The following SUCLG1 variants were observed in gnomAD, a reference collection of about 807,000 sequenced individuals.
The protein encoded by SUCLG1 is succinate-CoA ligase GDP/ADP-forming subunit alpha.
A neutral mutation model predicts 37.3 loss-of-function variants in SUCLG1; 26 were observed. That is an observed-to-expected ratio of 0.70 (90% confidence interval 0.51 to 0.97). The LOEUF is 0.97. SUCLG1 is among the 50% of genes least tolerant of loss of function. SUCLG1 has a pLI of 0.00. For missense variants in SUCLG1, 433 were observed against 432.9 expected (o/e 1.00, Z 0.00); for synonymous variants, 163 against 155.6 (o/e 1.05, Z -0.36).
intron 8 of SUCLG1, 47 bp downstream of exon 8, chr2:84,425,368 G>C (rs1312318682): frequency 1.1e-5 from 17 of 1,610,834 alleles, no homozygotes; most frequent in Admixed American, 3.3e-5. Context: ...GCCACACACA[G>C]AGAAAGCCTG....
chr2:84,426,915 C>T (rs150626557), intron 7 of SUCLG1: 25 of 152,766 alleles, frequency 1.6e-4, no homozygotes, highest in East Asian at 5.8e-4. Context: ...GAATTATTGA[C>T]GATCTCAAAG....
Position 84,459,173 on chromosome 2 carries a change from G to C in SUCLG1, c.97C>G (p.Leu33Val). Residue 33 changes from leucine to valine, a missense_variant and splice_region_variant, in exon 1 of 9, where the codon CTG becomes GTG. Transcript: ENST00000393868. Reference sequence around the variant, plus strand: ...GGAAGACAGTACTGGCTGGACTCACGGAGGAAGCTGCGCGACAGGAGACGG... The same window carrying C: ...GGAAGACAGTACTGGCTGGACTCACCGAGGAAGCTGCGCGACAGGAGACGG... ...AARLLSRSFLLPQNGIRHCSY... is the reference protein window; with the variant it reads ...AARLLSRSFLVPQNGIRHCSY... 1 of 1,549,510 alleles carries C rather than the reference G, an allele frequency of 6.5e-7. No individual in the cohort carries two copies. Among genetic ancestry groups the C allele is most frequent in the Non-Finnish European group, 8.7e-7 (1 of 1,146,320 alleles).
intron 1 of SUCLG1, among the ~76,000 whole-genome samples, chr2:84,456,844 A>G (rs1573379229): frequency 6.6e-6 from 1 of 152,078 alleles, no homozygotes; most frequent in African/African-American, 2.4e-5. Context: ...TTGTATTTTT[A>G]GTAGAGACGG....
chr2:84,448,089 A>C (rs1558613720), intron 2 of SUCLG1, among the ~76,000 whole-genome samples: 1 of 142,874 alleles, frequency 7.0e-6, no homozygotes, highest in Non-Finnish European at 1.5e-5. Flanking sequence ...TTGATATTGG[A>C]TTTTTTTTTT....
chr2:84,453,948 C>T (rs1033412913), intron 1 of SUCLG1, among the ~76,000 whole-genome samples: 1 of 152,202 alleles, frequency 6.6e-6, no homozygotes, highest in South Asian at 2.1e-4. Context: ...TTCCAGCAGC[C>T]ATGTAACCCA....
Position 84,441,060 on chromosome 2 carries a change from T to A in SUCLG1, c.576A>T (p.Lys192Asn), listed in dbSNP as rs994655572. The A allele has an allele frequency of 1.2e-6, 2 of 1,614,168 alleles. No individual in the cohort carries two copies. Among genetic ancestry groups the A allele is most frequent in the Admixed American group, 3.3e-5 (2 of 60,024 alleles). Residue 192 changes from lysine (K) to asparagine (N), a missense_variant, in exon 5 of 9, where the codon AAA becomes AAT. By Grantham distance (94) the Lys-to-Asn change is moderately conservative. Transcript: ENST00000393868. Reference protein sequence around the residue: ...KIGIMPGHIHKKGRIGIVSRS... With the variant: ...KIGIMPGHIHNKGRIGIVSRS... ...AAACAAACTCACCAATCCTTCCTTT[T>A]TTGTGAATATGGCCAGGCATGATGC...
At chr2:84,451,800 G>A (rs1431153293) in intron 1 of SUCLG1, among the ~76,000 whole-genome samples, 7 of 148,944 alleles carry the variant, frequency 4.7e-5, no homozygotes, top group East Asian at 2.0e-4. Context: ...ATGTGTGTGC[G>A]CTCATGCATG....
chr2:84,454,993 T>G (rs1386632372), intron 1 of SUCLG1, among the ~76,000 whole-genome samples: 7 of 152,190 alleles, frequency 4.6e-5, no homozygotes, highest in Non-Finnish European at 8.8e-5. Flanking sequence ...ATTTAACAAA[T>G]GTACACTTAT....
chr2:84,424,021 G>C (rs1672494893), intron 8 of SUCLG1, among the ~76,000 whole-genome samples: 1 of 152,190 alleles, frequency 6.6e-6, no homozygotes, highest in East Asian at 1.9e-4. Flanking sequence ...CCTAAATCCA[G>C]AAGCAGAGAG....
Position 84,448,520 on chromosome 2 carries a change from CA to C in SUCLG1, c.201+1128del, listed in dbSNP as rs59457991. Among the ~76,000 whole-genome samples, 9 of 125,124 alleles carry C rather than the reference CA, an allele frequency of 7.2e-5. No homozygotes were observed. In the South Asian group the frequency reaches 7.8e-4, roughly 11 times the overall value. The allele number at this position is 125,124 out of a possible 152,430, so 82.1% of individuals were successfully genotyped here. A position where few individuals can be genotyped will look rare whatever the true frequency, so the allele number is the denominator to read the frequency against. ...AGAAAAATCATTAACCTTAAATTACCAAAAAAAAAAAAAAAAAAAAAAAATT... is the reference window on the plus strand; with the variant it reads ...AGAAAAATCATTAACCTTAAATTACCAAAAAAAAAAAAAAAAAAAAAAATT... On this transcript the variant is annotated intron_variant, in intron 2 of 8. Coordinates refer to ENST00000393868, the MANE Select transcript of SUCLG1 (RefSeq NM_003849.4).
At chr2:84,423,883 G>A (rs1444552345) in intron 8 of SUCLG1, 111 bp from the exon 9 acceptor site, 3 of 1,154,344 alleles carry the variant, frequency 2.6e-6, no homozygotes, top group Non-Finnish European at 3.7e-6. Flanking sequence ...AGGATCCCCT[G>A]AACAATCAAA....
chr2:84,431,713 T>C, intron 6 of SUCLG1, 54 bp from the exon 7 acceptor site: 1 of 1,589,994 alleles, frequency 6.3e-7, no homozygotes, highest in Middle Eastern at 1.8e-4. Flanking sequence ...AACCATGGAA[T>C]TTAGGTCAAT....
At position 84,431,520 on chromosome 2, in the gene SUCLG1, C is replaced by A; in HGVS notation, c.813G>T (p.Lys271Asn). Residue 271 changes from lysine (K) to asparagine (N), a missense_variant, in exon 7 of 9, where the codon AAG becomes AAT. Physicochemically the swap from Lys to Asn is moderately conservative, Grantham distance 94 (BLOSUM62 0). Transcript: ENST00000393868. Reference sequence around the variant, plus strand: ...AACCCAAACTTACTGAATTATGTTGCTTCAAAAATTCTGCAGCATTCTCTT... The same window carrying A: ...AACCCAAACTTACTGAATTATGTTGATTCAAAAATTCTGCAGCATTCTCTT... Reference protein sequence around the residue: ...NAEENAAEFLKQHNSGPNSKP... With the variant: ...NAEENAAEFLNQHNSGPNSKP... The A allele has an allele frequency of 1.2e-6, 2 of 1,613,956 alleles. No homozygotes were observed. Among genetic ancestry groups the A allele is most frequent in the Non-Finnish European group, 1.7e-6 (2 of 1,179,866 alleles).
intron 1 of SUCLG1, chr2:84,458,614 G>A (rs1219596031): frequency 6.6e-6 from 1 of 152,276 alleles, no homozygotes; most frequent in Non-Finnish European, 1.5e-5. Flanking sequence ...CCAACCATAA[G>A]CTTCTAGTAG....
chr2:84,441,056 CT>C lies in SUCLG1; in HGVS notation c.579del (p.Gly194GlufsTer12). The C allele has an allele frequency of 1.2e-6, 2 of 1,613,916 alleles. No individual in the cohort carries two copies. The highest frequency in any genetic ancestry group is 1.7e-6 in the Non-Finnish European group (2 of 1,179,996). Reference protein sequence around the residue: ...IGIMPGHIHKKGRIGIVSRSG... With the variant: ...IGIMPGHIHKXGRIGIVSRSG... ...TAACAAACAAACTCACCAATCCTTC[CT>C]TTTTTGTGAATATGGCCAGGCATGA... is the stretch of plus-strand genomic sequence containing the variant. On this transcript the variant is annotated frameshift_variant, in exon 5 of 9. Coordinates refer to ENST00000393868, the MANE Select transcript of SUCLG1 (RefSeq NM_003849.4). LOFTEE classifies it high-confidence loss of function.
chr2:84,429,801 T>C (rs1037529030), intron 7 of SUCLG1, among the ~76,000 whole-genome samples: 1 of 151,980 alleles, frequency 6.6e-6, no homozygotes, highest in Admixed American at 6.6e-5. Context: ...GAAGGGCAGA[T>C]AATTTGGGTG....
intron 4 of SUCLG1, 26 bp downstream of exon 4, chr2:84,441,221 G>T (rs200067153): frequency 8.4e-4 from 1,350 of 1,614,024 alleles, no homozygotes; most frequent in Non-Finnish European, 1.1e-3. Context: ...CTTAATCTGA[G>T]TTTCTTTTTG....
At chr2:84,432,916 A>G (rs1319505776) in intron 6 of SUCLG1, 1 of 182,574 alleles carries the variant, frequency 5.5e-6, no homozygotes, top group Admixed American at 5.6e-5. Context: ...TTTCTCACCA[A>G]TAAGGCTCTA....
At chr2:84,433,136 T>A (rs113224454) in intron 6 of SUCLG1, 16 of 604,962 alleles carry the variant, frequency 2.6e-5, no homozygotes, top group African/African-American at 1.3e-4. Flanking sequence ...TGTTCCAAGA[T>A]GTTAGTTCTT....
Sources: allele counts gnomAD v4.1 joint callset (sites outside exome capture counted in the v4.1 genomes callset), GRCh38; gene constraint gnomAD v4.1.1; transcripts MANE v1.5; gene names NCBI Gene and HGNC (gene_info 2026-07-23, HGNC 2026-07-21).